SH3PXD2A: variants seen among roughly 807,000 people sequenced by gnomAD.
SH3PXD2A encodes the protein SH3 and PX domain-containing protein 2A.
Under a neutral mutation model 115.2 loss-of-function variants are expected in SH3PXD2A, and 32 were observed. The ratio of observed to expected loss-of-function variants is 0.28; its 90% confidence interval spans 0.21 to 0.37. The LOEUF (loss-of-function observed/expected upper bound fraction) is 0.37, where lower values mean the gene tolerates loss of function less well. SH3PXD2A is among the 10% of genes least tolerant of loss of function. The probability of loss-of-function intolerance (pLI) is 1.00; values close to 1 mark genes in which losing one functional copy is unlikely to be tolerated. For missense variants in SH3PXD2A, 1,328 were observed against 1,498.7 expected, an observed-to-expected ratio of 0.89 and a Z score of 1.88; for synonymous variants, 610 against 629.1, an observed-to-expected ratio of 0.97 and a Z score of 0.45.
intron 1 of SH3PXD2A, among the ~76,000 whole-genome samples, chr10:103,835,294 G>A (rs1477669149): frequency 6.6e-6 from 1 of 152,230 alleles, no homozygotes; most frequent in African/African-American, 2.4e-5. Flanking sequence ...ACGTGAGCTC[G>A]CAGGGGTGGG....
intron 1 of SH3PXD2A, among the ~76,000 whole-genome samples, chr10:103,851,136 T>C (rs1842892954): frequency 9.1e-6 from 1 of 109,908 alleles, no homozygotes; most frequent in African/African-American, 3.7e-5. Flanking sequence ...GGAGTCACAA[T>C]CTAAGGGCTG....
intron 3 of SH3PXD2A, among the ~76,000 whole-genome samples, chr10:103,738,036 TG>T (rs1451560047): frequency 5.9e-5 from 9 of 152,242 alleles, no homozygotes; most frequent in African/African-American, 2.2e-4. Context: ...AGATGCTCAA[TG>T]AGTGCTTGCT....
chr10:103,657,994 A>G (rs1225718913), intron 8 of SH3PXD2A, among the ~76,000 whole-genome samples: 1 of 152,238 alleles, frequency 6.6e-6, no homozygotes, highest in Non-Finnish European at 1.5e-5. Flanking sequence ...ACTCTAAGGC[A>G]ATTACTTAGC....
intron 3 of SH3PXD2A, among the ~76,000 whole-genome samples, chr10:103,760,117 T>G (rs1589444305): frequency 6.6e-6 from 1 of 152,210 alleles, no homozygotes; most frequent in East Asian, 1.9e-4. Context: ...AGTGTCCATC[T>G]TGGGAGCAAA....
intron 8 of SH3PXD2A, among the ~76,000 whole-genome samples, chr10:103,629,801 T>A (rs1021075007): frequency 1.3e-5 from 2 of 152,226 alleles, no homozygotes; most frequent in Non-Finnish European, 2.9e-5. Context: ...TCCATGAGAA[T>A]GCCCAACAAC....
chr10:103,699,573 G>A (rs1048526675), intron 5 of SH3PXD2A, among the ~76,000 whole-genome samples: 6 of 152,240 alleles, frequency 3.9e-5, no homozygotes, highest in South Asian at 2.1e-4. Context: ...AGGGCTGGGC[G>A]AAGGGGCTTT....
intron 7 of SH3PXD2A, 90 bp downstream of exon 7, chr10:103,668,518 A>C (rs1592291447): frequency 9.0e-7 from 1 of 1,110,578 alleles, no homozygotes; most frequent in African/African-American, 1.5e-5. Flanking sequence ...CATCACAGGG[A>C]AGCATGCGCA....
At chr10:103,742,545 C>A (rs531221362) in intron 3 of SH3PXD2A, among the ~76,000 whole-genome samples, 2 of 152,178 alleles carry the variant, frequency 1.3e-5, no homozygotes, top group South Asian at 4.1e-4. Context: ...TTTTTGGGAG[C>A]CATTATTCAA....
chr10:103,735,832 G>C (rs372422689), intron 3 of SH3PXD2A, 24 bp from the exon 4 acceptor site: 1 of 1,597,374 alleles, frequency 6.3e-7, no homozygotes, highest in South Asian at 1.1e-5. Context: ...GCTCATGAGT[G>C]GGGGATTCTG....
Position 103,594,523 on chromosome 10 carries a change from A to G in SH3PXD2A, c.*7293T>C, listed in dbSNP as rs2036107267. The G allele has an allele frequency of 6.6e-6, 1 of 152,320 alleles. No individual in the cohort carries two copies. The highest frequency in any genetic ancestry group is 1.5e-5 in the Non-Finnish European group (1 of 68,068). The allele number at this position is 152,320 out of a possible 1,614,324, so 9.4% of individuals were successfully genotyped here. A position where few individuals can be genotyped will look rare whatever the true frequency, so the allele number is the denominator to read the frequency against. ...GACATCCACCAGTCCCCACCCAGCC[A>G]TGCAGTCCACATGCTCACGCTTCAG... On this transcript the variant is annotated 3_prime_UTR_variant, in exon 15 of 15. Transcript: ENST00000369774.
chr10:103,799,703 C>T (rs2039129090), intron 2 of SH3PXD2A, among the ~76,000 whole-genome samples: 1 of 152,238 alleles, frequency 6.6e-6, no homozygotes, highest in Non-Finnish European at 1.5e-5. Flanking sequence ...ATCAATGAGT[C>T]CTTTCAGGGT....
At chr10:103,636,411 G>GA (rs555359998) in intron 8 of SH3PXD2A, among the ~76,000 whole-genome samples, 2,301 of 91,112 alleles carry the variant, frequency 0.025, 56 homozygotes, top group African/African-American at 0.07. Context: ...TCCATCTTAA[G>GA]AAAAAAAAAA....
At chr10:103,604,471 T>C (rs2036270379) in intron 14 of SH3PXD2A, among the ~76,000 whole-genome samples, 1 of 152,230 alleles carries the variant, frequency 6.6e-6, no homozygotes, top group Non-Finnish European at 1.5e-5. Flanking sequence ...CCTTAACTTC[T>C]GGAGATCAAC....
chr10:103,679,991 A>T (rs892188809), intron 6 of SH3PXD2A, among the ~76,000 whole-genome samples: 10 of 151,790 alleles, frequency 6.6e-5, no homozygotes, highest in South Asian at 4.2e-4. Context: ...TTATTTATTT[A>T]TTTTTTGAGA....
Position 103,603,594 on chromosome 10 carries a change from TG to T in SH3PXD2A, c.1623del (p.Ser542ValfsTer30). The T allele has an allele frequency of 6.2e-7, 1 of 1,607,600 alleles. No homozygotes were observed. Among genetic ancestry groups the T allele is most frequent in the Non-Finnish European group, 8.5e-7 (1 of 1,177,058 alleles). The stretch of plus-strand genomic sequence containing the variant: ...TTCCGCGGGGAGTCCTGGCTCTCAC[TG>T]GCCCCCGTAGGGCCCTCCTCGGCCT... ...PKEAEEGPTG[A>X]SESQDSPRKL... On this transcript the variant is annotated frameshift_variant, in exon 15 of 15. Coordinates refer to ENST00000369774, the MANE Select transcript of SH3PXD2A (RefSeq NM_001394015.1). LOFTEE classifies it high-confidence loss of function.
chr10:103,782,938 G>C (rs920677827), intron 2 of SH3PXD2A, among the ~76,000 whole-genome samples: 3 of 148,686 alleles, frequency 2.0e-5, no homozygotes, highest in Non-Finnish European at 4.5e-5. Context: ...TGCCTTGGGG[G>C]GGGGGGCTCT....
At chr10:103,721,886 C>T (rs2038186685) in intron 5 of SH3PXD2A, among the ~76,000 whole-genome samples, 1 of 152,048 alleles carries the variant, frequency 6.6e-6, no homozygotes, top group South Asian at 2.1e-4. Flanking sequence ...GTCCCCAAAC[C>T]AGTGAAGCAG....
At chr10:103,767,818 T>TG (rs1554921219) in intron 2 of SH3PXD2A, among the ~76,000 whole-genome samples, 22,719 of 147,014 alleles carry the variant, frequency 0.15, 2,187 homozygotes, top group East Asian at 0.28. Context: ...TTGTTTTTTT[T>TG]TTTTTTTTTT....
chr10:103,661,832 G>T, intron 7 of SH3PXD2A: 1 of 985,292 alleles, frequency 1.0e-6, no homozygotes, highest in Non-Finnish European at 1.2e-6. Context: ...GGCAGGGGAG[G>T]GGGAGGAGGC....
Sources: allele counts gnomAD v4.1 joint callset (sites outside exome capture counted in the v4.1 genomes callset), GRCh38; gene constraint gnomAD v4.1.1; transcripts MANE v1.5; gene names NCBI Gene and HGNC (gene_info 2026-07-23, HGNC 2026-07-21).